The following TANC2 variants were observed in gnomAD, a reference collection of about 807,000 sequenced individuals.
TANC2 encodes the protein tetratricopeptide repeat, ankyrin repeat and coiled-coil containing 2.
Under a neutral mutation model 210.5 loss-of-function variants are expected in TANC2, and 26 were observed. The ratio of observed to expected loss-of-function variants is 0.12; its 90% confidence interval spans 0.09 to 0.17. The LOEUF (loss-of-function observed/expected upper bound fraction) is 0.17. TANC2 is among the 10% of genes least tolerant of loss of function. The pLI is 1.00. For synonymous variants in TANC2, 931 were observed against 967.1 expected, an observed-to-expected ratio of 0.96 and a Z score of 0.69; for missense variants, 2,129 against 2,608.9, an observed-to-expected ratio of 0.82 and a Z score of 4.01.
intron 9 of TANC2, among the ~76,000 whole-genome samples, chr17:63,307,761 G>GTTT (rs2044971092): frequency 8.9e-6 from 1 of 112,028 alleles, no homozygotes; most frequent in African/African-American, 7.3e-5. Context: ...TGTTGCTGTT[G>GTTT]TTGTTGTTGT....
intron 1 of TANC2, among the ~76,000 whole-genome samples, chr17:63,008,743 A>C (rs1294206342): frequency 6.6e-6 from 1 of 151,756 alleles, no homozygotes; most frequent in Non-Finnish European, 1.5e-5. Context: ...GGGACATGGA[A>C]TAAGCACGGA....
At chr17:63,389,647 A>G in intron 17 of TANC2, 103 bp downstream of exon 17, 1 of 1,147,774 alleles carries the variant, frequency 8.7e-7, no homozygotes, top group Non-Finnish European at 1.3e-6. Flanking sequence ...GGTAGAGTAT[A>G]TCAAACCATG....
At chr17:63,192,695 G>C (rs760021512) in intron 5 of TANC2, among the ~76,000 whole-genome samples, 3 of 152,122 alleles carry the variant, frequency 2.0e-5, no homozygotes, top group Non-Finnish European at 4.4e-5. Flanking sequence ...TTTCTCATCT[G>C]TAAAATGAGG....
chr17:63,219,160 T>C (rs1203889277), intron 7 of TANC2, among the ~76,000 whole-genome samples: 2 of 152,186 alleles, frequency 1.3e-5, no homozygotes, highest in Non-Finnish European at 2.9e-5. Context: ...TACTCCATAC[T>C]GTTAAGATGT....
intron 13 of TANC2, among the ~76,000 whole-genome samples, chr17:63,354,266 C>T (rs781076568): frequency 6.6e-6 from 1 of 152,142 alleles, no homozygotes; most frequent in Non-Finnish European, 1.5e-5. Flanking sequence ...GTGTACCTTT[C>T]GGCTAAGGTA....
chr17:63,247,277 GGTCAATTT>G (rs1450173974), intron 8 of TANC2, among the ~76,000 whole-genome samples: 4 of 151,762 alleles, frequency 2.6e-5, no homozygotes, highest in African/African-American at 4.8e-5. Flanking sequence ...ATTTTGGTGA[GGTCAATTT>G]GTCAATTTTT....
At chr17:63,067,324 C>T (rs1555773455) in intron 2 of TANC2, among the ~76,000 whole-genome samples, 1 of 152,096 alleles carries the variant, frequency 6.6e-6, no homozygotes, top group Non-Finnish European at 1.5e-5. Flanking sequence ...TTTAATGCAA[C>T]TATTATAAAA....
intron 7 of TANC2, among the ~76,000 whole-genome samples, chr17:63,222,976 G>A (rs2042236184): frequency 6.6e-6 from 1 of 152,182 alleles, no homozygotes; most frequent in South Asian, 2.1e-4. Flanking sequence ...ACTGATACAT[G>A]CTACTGCAAC....
chr17:63,063,530 A>G (rs886658085), intron 2 of TANC2, among the ~76,000 whole-genome samples: 1 of 117,374 alleles, frequency 8.5e-6, no homozygotes, highest in Non-Finnish European at 1.8e-5. Flanking sequence ...TGGGACAAAG[A>G]CGTGTGTGTG....
intron 9 of TANC2, among the ~76,000 whole-genome samples, 155 bp from the exon 10 acceptor site, chr17:63,314,233 T>C (rs909983726): frequency 6.6e-6 from 1 of 152,230 alleles, no homozygotes; most frequent in Non-Finnish European, 1.5e-5. Flanking sequence ...CTTATCTGTA[T>C]AGAATCAACA....
intron 4 of TANC2, among the ~76,000 whole-genome samples, chr17:63,122,077 G>T (rs2038505947): frequency 6.6e-6 from 1 of 152,138 alleles, no homozygotes. Flanking sequence ...AATCTGGAAG[G>T]CTTACTCAGT....
intron 4 of TANC2, among the ~76,000 whole-genome samples, chr17:63,111,741 T>A (rs1254546917): frequency 6.6e-6 from 1 of 152,210 alleles, no homozygotes; most frequent in East Asian, 1.9e-4. Flanking sequence ...TTATTTATTT[T>A]TTTGAGACTG....
chr17:63,255,228 C>T (rs890417058), intron 8 of TANC2, among the ~76,000 whole-genome samples: 1 of 151,832 alleles, frequency 6.6e-6, no homozygotes, highest in African/African-American at 2.4e-5. Flanking sequence ...CCTCAGCCTC[C>T]CGAGCAGCTA....
At chr17:63,159,944 A>C (rs1353952589) in intron 5 of TANC2, among the ~76,000 whole-genome samples, 1 of 152,236 alleles carries the variant, frequency 6.6e-6, no homozygotes, top group Non-Finnish European at 1.5e-5. Flanking sequence ...GTTCAAGATC[A>C]AGGTTCTGGC....
chr17:63,076,227 C>T (rs1376331833), intron 3 of TANC2, among the ~76,000 whole-genome samples: 1 of 152,030 alleles, frequency 6.6e-6, no homozygotes, highest in Non-Finnish European at 1.5e-5. Context: ...AAAATTTATC[C>T]TTAGGAGTGG....
chr17:63,390,093 T>C (rs1188795641), intron 17 of TANC2: 2 of 153,344 alleles, frequency 1.3e-5, no homozygotes, highest in African/African-American at 4.8e-5. Context: ...TTAGTACTGA[T>C]CAGTTCTCTG....
At chr17:62,983,110 G>C (rs927947385) in intron 1 of TANC2, among the ~76,000 whole-genome samples, 6 of 152,022 alleles carry the variant, frequency 3.9e-5, no homozygotes, top group African/African-American at 9.7e-5. Flanking sequence ...TTGTTTGGAT[G>C]CTCTTCAATT....
At chr17:63,250,433 C>G (rs1180738501) in intron 8 of TANC2, among the ~76,000 whole-genome samples, 1 of 151,976 alleles carries the variant, frequency 6.6e-6, no homozygotes, top group East Asian at 1.9e-4. Flanking sequence ...AGAACTATCT[C>G]AAAAATTTTT....
At chr17:63,267,606 A>G (rs1417837812) in intron 8 of TANC2, 142 bp from the exon 9 acceptor site, 2 of 672,666 alleles carry the variant, frequency 3.0e-6, no homozygotes, top group East Asian at 3.1e-5. Context: ...CATAAAATAC[A>G]TGTATTTTAT....
Sources: gnomAD v4.1 joint callset for allele counts (sites outside exome capture counted in the v4.1 genomes callset) on GRCh38, gnomAD v4.1.1 for gene constraint, MANE v1.5 for transcripts, NCBI Gene and HGNC (gene_info 2026-07-23, HGNC 2026-07-21) for gene names.